RAB31: variants seen among roughly 807,000 people sequenced by gnomAD.
RAB31 encodes the protein ras-related protein Rab-31.
A neutral mutation model predicts 25.6 loss-of-function variants in RAB31; 21 were observed. The observed-to-expected ratio is 0.82, with a 90% confidence interval of 0.58 to 1.18. The LOEUF (loss-of-function observed/expected upper bound fraction) is 1.18. Among genes scored for constraint, RAB31 ranks in the 50% most tolerant of loss-of-function variants. RAB31 has a pLI of 0.00. For synonymous variants in RAB31, 87 were observed against 84.0 expected (o/e 1.04, Z -0.20); for missense variants, 196 against 250.1 (o/e 0.78, Z 1.46).
At chr18:9,799,033 G>T (rs1344507674) in intron 3 of RAB31, among the ~76,000 whole-genome samples, 7 of 152,180 alleles carry the variant, frequency 4.6e-5, no homozygotes, top group Non-Finnish European at 7.3e-5. Context: ...GCAGTGAGCT[G>T]AGATTGCACC....
intron 1 of RAB31, among the ~76,000 whole-genome samples, chr18:9,767,291 A>G (rs2068321092): frequency 6.6e-6 from 1 of 152,186 alleles, no homozygotes; most frequent in South Asian, 2.1e-4. Context: ...TTATTTAACT[A>G]CATTCTGAGG....
chr18:9,723,448 TA>T (rs1376193868), intron 1 of RAB31: 1 of 152,174 alleles, frequency 6.6e-6, no homozygotes, highest in Non-Finnish European at 1.5e-5. Context: ...ATATGGCAAA[TA>T]AAAATTTTTA....
At chr18:9,799,729 A>G (rs1246530650) in intron 3 of RAB31, among the ~76,000 whole-genome samples, 2 of 152,184 alleles carry the variant, frequency 1.3e-5, no homozygotes, top group Non-Finnish European at 2.9e-5. Context: ...TGGGCATCCT[A>G]TCTCATTCAT....
chr18:9,783,713 A>G (rs1217727573), intron 2 of RAB31, among the ~76,000 whole-genome samples: 1 of 152,230 alleles, frequency 6.6e-6, no homozygotes, highest in Non-Finnish European at 1.5e-5. Flanking sequence ...AAAATAGTCA[A>G]AAAATGAATA....
chr18:9,777,754 CTTTT>C (rs36009427), intron 2 of RAB31, among the ~76,000 whole-genome samples: 3 of 113,958 alleles, frequency 2.6e-5, no homozygotes, highest in Non-Finnish European at 3.5e-5. Flanking sequence ...TTGTAATGAC[CTTTT>C]TTTTTTTTTT....
intron 3 of RAB31, among the ~76,000 whole-genome samples, chr18:9,809,682 C>T (rs763265698): frequency 3.3e-5 from 5 of 152,140 alleles, no homozygotes; most frequent in Non-Finnish European, 5.9e-5. Context: ...TATGGCTAAG[C>T]CAAAATTTAT....
At chr18:9,749,375 C>T (rs968710999) in intron 1 of RAB31, among the ~76,000 whole-genome samples, 1 of 152,046 alleles carries the variant, frequency 6.6e-6, no homozygotes, top group African/African-American at 2.4e-5. Context: ...GCGGAGGGAA[C>T]GGAAGTGCAG....
chr18:9,826,362 C>T (rs1157719733), intron 5 of RAB31, among the ~76,000 whole-genome samples: 1 of 151,860 alleles, frequency 6.6e-6, no homozygotes, highest in African/African-American at 2.4e-5. Flanking sequence ...GGTGACAGAG[C>T]GAGACATTGT....
At chr18:9,785,511 T>TCCCAAACC (rs1381681564) in intron 2 of RAB31, among the ~76,000 whole-genome samples, 3 of 152,142 alleles carry the variant, frequency 2.0e-5, no homozygotes, top group Non-Finnish European at 4.4e-5. Context: ...GGCTCCTAAC[T>TCCCAAACC]CCCAAACCCT....
At chr18:9,824,678 A>G (rs149395139) in intron 5 of RAB31, among the ~76,000 whole-genome samples, 52 of 152,342 alleles carry the variant, frequency 3.4e-4, no homozygotes, top group Non-Finnish European at 6.6e-4. Flanking sequence ...TGCATGTTCC[A>G]GAAGATGGTA....
chr18:9,818,412 C>T (rs912097613), intron 5 of RAB31, among the ~76,000 whole-genome samples: 14 of 152,076 alleles, frequency 9.2e-5, no homozygotes, highest in African/African-American at 3.4e-4. Context: ...ACTAATGTAC[C>T]TTTTTTTCCT....
chr18:9,786,493 G>T (rs183954706), intron 2 of RAB31, among the ~76,000 whole-genome samples: 1 of 152,234 alleles, frequency 6.6e-6, no homozygotes, highest in African/African-American at 2.4e-5. Context: ...CTAGAGGCCC[G>T]GACTTGGGAC....
At chr18:9,764,502 G>A (rs556159524) in intron 1 of RAB31, among the ~76,000 whole-genome samples, 6 of 152,228 alleles carry the variant, frequency 3.9e-5, no homozygotes, top group South Asian at 2.1e-4. Flanking sequence ...TTCCTTATGC[G>A]GGAATTGAGG....
chr18:9,720,905 A>T (rs931797609), intron 1 of RAB31, among the ~76,000 whole-genome samples: 1 of 152,004 alleles, frequency 6.6e-6, no homozygotes, highest in Non-Finnish European at 1.5e-5. Flanking sequence ...GCTTCGGTGA[A>T]ATGACAGGTC....
intron 1 of RAB31, among the ~76,000 whole-genome samples, chr18:9,716,280 A>T (rs548910245): frequency 8.7e-4 from 133 of 152,286 alleles, no homozygotes; most frequent in African/African-American, 3.0e-3. Context: ...TTGGGTGAGA[A>T]TACAACGCAG....
chr18:9,844,415 C>T (rs192251641), intron 5 of RAB31, among the ~76,000 whole-genome samples: 4 of 152,334 alleles, frequency 2.6e-5, no homozygotes, highest in African/African-American at 9.6e-5. Flanking sequence ...AGAGTCTGAC[C>T]TGCATTTGCC....
intron 5 of RAB31, among the ~76,000 whole-genome samples, chr18:9,832,495 C>T (rs181050397): frequency 6.6e-6 from 1 of 152,274 alleles, no homozygotes; most frequent in Admixed American, 6.5e-5. Context: ...GCTGCCTGGC[C>T]AAGAAATTAC....
chr18:9,779,410 C>T (rs1426019065), intron 2 of RAB31, among the ~76,000 whole-genome samples: 2 of 152,230 alleles, frequency 1.3e-5, no homozygotes, highest in East Asian at 3.9e-4. Context: ...TGTGGACATG[C>T]AGGTATACAA....
chr18:9,799,197 G>A (rs1002521002), intron 3 of RAB31, among the ~76,000 whole-genome samples: 2 of 152,188 alleles, frequency 1.3e-5, no homozygotes, highest in Admixed American at 6.5e-5. Context: ...GATTATAGGC[G>A]TGAGCCACCA....
Sources: allele counts gnomAD v4.1 joint callset (sites outside exome capture counted in the v4.1 genomes callset), GRCh38; gene constraint gnomAD v4.1.1; transcripts MANE v1.5; gene names NCBI Gene and HGNC (gene_info 2026-07-23, HGNC 2026-07-21).